WDR41: variants seen among roughly 807,000 people sequenced by gnomAD.
WDR41 encodes WD repeat domain 41.
A neutral mutation model predicts 69.3 loss-of-function variants in WDR41; 63 were observed. The observed-to-expected ratio is 0.91, with a 90% CI of 0.74 to 1.12. The LOEUF (loss-of-function observed/expected upper bound fraction) is 1.12, where lower values mean the gene tolerates loss of function less well. Among genes scored for constraint, WDR41 ranks in the 50% most tolerant of loss-of-function variants. WDR41 has a pLI of 0.00. For missense variants in WDR41, 543 were observed against 534.5 expected (o/e 1.02, Z -0.16); for synonymous variants, 185 against 192.1 (o/e 0.96, Z 0.31).
intron 1 of WDR41, among the ~76,000 whole-genome samples, chr5:77,606,536 G>A (rs935595742): frequency 6.6e-6 from 1 of 152,140 alleles, no homozygotes; most frequent in African/African-American, 2.4e-5. Context: ...GAGGCTGGGT[G>A]TGGTGGCTGT....
At chr5:77,529,337 A>C (rs942425811) in intron 1 of WDR41, among the ~76,000 whole-genome samples, 20 of 151,530 alleles carry the variant, frequency 1.3e-4, no homozygotes, top group Non-Finnish European at 2.7e-4. Context: ...CTCTACACAG[A>C]GAAACGCTAA....
chr5:77,544,401 A>G lies in WDR41; in HGVS notation c.43-54829T>C, dbSNP rs549314584. 2.4e-3 allele frequency among the ~76,000 whole-genome samples: 362 copies of G among 152,216 alleles called. 2 individuals are homozygous for G. The highest frequency in any genetic ancestry group is 0.01 in the Middle Eastern group (3 of 294). ...TCGTGAAATGGATAAGAAGTCACCA[A>G]CCATCTGCTGGCTTCAAGAGACTCA... is the stretch of plus-strand genomic sequence containing the variant. On this transcript the variant is annotated intron_variant, in intron 1 of 5. Coordinates refer to the WDR41 transcript ENST00000509971.
At chr5:77,601,719 C>G (rs923379661) in intron 1 of WDR41, among the ~76,000 whole-genome samples, 1 of 152,194 alleles carries the variant, frequency 6.6e-6, no homozygotes, top group Non-Finnish European at 1.5e-5. Flanking sequence ...TACCTGGTGC[C>G]TCCCTCAGAG....
At chr5:77,537,398 G>A (rs1324538800) in intron 1 of WDR41, among the ~76,000 whole-genome samples, 8 of 152,206 alleles carry the variant, frequency 5.3e-5, no homozygotes, top group African/African-American at 1.9e-4. Flanking sequence ...GGCCGAAGAG[G>A]AAGAGAAGAA....
At chr5:77,519,364 C>T (rs770278510) in intron 1 of WDR41, among the ~76,000 whole-genome samples, 3 of 151,692 alleles carry the variant, frequency 2.0e-5, no homozygotes, top group Non-Finnish European at 4.4e-5. Flanking sequence ...TTTCTAAGGA[C>T]GTTATTTTTG....
chr5:77,513,062 G>A (rs763020981), intron 1 of WDR41, among the ~76,000 whole-genome samples: 2 of 152,068 alleles, frequency 1.3e-5, no homozygotes, highest in Admixed American at 6.6e-5. Flanking sequence ...TTCCACAGAC[G>A]CTAAAATAAA....
chr5:77,542,594 C>T (rs1430480950), intron 1 of WDR41, among the ~76,000 whole-genome samples: 1 of 152,000 alleles, frequency 6.6e-6, no homozygotes, highest in African/African-American at 2.4e-5. Flanking sequence ...ATAACAATAA[C>T]ATAATAACAT....
rs1035945616 is a variant in WDR41 at position 77,585,533 on chromosome 5, T to C, written c.42+34946A>G. 4.6e-5 allele frequency among the ~76,000 whole-genome samples: 7 copies of C among 152,294 alleles called. No homozygotes were observed. In the East Asian group the frequency reaches 1.4e-3, roughly 29 times the overall value. ...GACGATACTTGCACATTAATGTTTATAGCAGCACAATTCACAATCGCAAAA... is the reference window on the plus strand; with the variant it reads ...GACGATACTTGCACATTAATGTTTACAGCAGCACAATTCACAATCGCAAAA... On this transcript the variant is annotated intron_variant, in intron 1 of 5. Coordinates refer to the WDR41 transcript ENST00000509971.
chr5:77,475,617 G>T (rs1336615217), intron 2 of WDR41, among the ~76,000 whole-genome samples: 1 of 152,098 alleles, frequency 6.6e-6, no homozygotes, highest in Non-Finnish European at 1.5e-5. Context: ...GGTCCTGTCT[G>T]TTAGAAGGAA....
At chr5:77,516,013 C>G (rs6453317) in intron 1 of WDR41, among the ~76,000 whole-genome samples, 93,007 of 152,006 alleles carry the variant, frequency 0.61, 30,259 homozygotes, top group African/African-American at 0.84. Context: ...ATTTATTTTA[C>G]AACTGTTTAC....
At chr5:77,450,557 T>C (rs1014204416) in intron 7 of WDR41, among the ~76,000 whole-genome samples, 10 of 152,220 alleles carry the variant, frequency 6.6e-5, no homozygotes, top group African/African-American at 2.2e-4. Flanking sequence ...GATTCTATCA[T>C]CATTTACTAA....
At position 77,514,339 on chromosome 5, in the gene WDR41, C is replaced by T. The variant is rs188088371; in HGVS notation, c.43-24767G>A. Among the ~76,000 whole-genome samples, 14 of 152,282 alleles carry T rather than the reference C, an allele frequency of 9.2e-5. No homozygotes were observed. The East Asian group carries it at 2.5e-3, about 27-fold the overall frequency. Reference sequence around the variant, plus strand: ...TCATATCTATTTTTCTCATTAACTTCTTTCCATTCTTTAAGTCTTAGTGCA... The same window carrying T: ...TCATATCTATTTTTCTCATTAACTTTTTTCCATTCTTTAAGTCTTAGTGCA... On this transcript the variant is annotated intron_variant, in intron 1 of 5. Transcript: ENST00000509971.
At chr5:77,487,470 T>C (rs904333692) in intron 2 of WDR41, among the ~76,000 whole-genome samples, 23 of 152,222 alleles carry the variant, frequency 1.5e-4, no homozygotes, top group African/African-American at 5.3e-4. Context: ...CATGATTTGG[T>C]TGACTTGCAT....
intron 2 of WDR41, among the ~76,000 whole-genome samples, chr5:77,488,802 G>A (rs1427908559): frequency 6.6e-6 from 1 of 152,000 alleles, no homozygotes; most frequent in Non-Finnish European, 1.5e-5. Context: ...TTTTAGAGAG[G>A]ACGAAAATAT....
In WDR41 at chr5:77,613,179, T is replaced by C. The variant is rs1382005886; in HGVS notation, c.42+7300A>G. On this transcript the variant is annotated intron_variant, in intron 1 of 5. Coordinates refer to the WDR41 transcript ENST00000509971. ...GAAATGGAAGAAAATTCCATGCTCA[T>C]GGGTAGGAAGAATCAATATCATGAA... 3.3e-5 allele frequency among the ~76,000 whole-genome samples: 5 copies of C among 152,192 alleles called. No individual in the cohort carries two copies. The East Asian group carries it at 9.6e-4, about 29-fold the overall frequency.
At chr5:77,604,636 A>G (rs770083366) in intron 1 of WDR41, among the ~76,000 whole-genome samples, 48 of 152,322 alleles carry the variant, frequency 3.2e-4, no homozygotes, top group Admixed American at 3.9e-4. Context: ...TAGCAACTCT[A>G]CTTCTAGAAA....
chr5:77,564,083 TTAAA>T (rs2112261990), intron 1 of WDR41, among the ~76,000 whole-genome samples: 1 of 152,294 alleles, frequency 6.6e-6, no homozygotes, highest in South Asian at 2.1e-4. Context: ...ATTGTAAAGA[TTAAA>T]TAAATACATG....
intron 2 of WDR41, among the ~76,000 whole-genome samples, chr5:77,486,285 G>A (rs1219705190): frequency 1.3e-5 from 2 of 152,302 alleles, no homozygotes; most frequent in Non-Finnish European, 1.5e-5. Context: ...TTGATTATAT[G>A]TAAATTTGAT....
At chr5:77,607,951 T>C (rs1275342519) in intron 1 of WDR41, among the ~76,000 whole-genome samples, 1 of 152,206 alleles carries the variant, frequency 6.6e-6, no homozygotes, top group Non-Finnish European at 1.5e-5. Flanking sequence ...CTTTTTTATG[T>C]GGTAAAATAT....
Sources: gnomAD v4.1 joint callset for allele counts (sites outside exome capture counted in the v4.1 genomes callset) on GRCh38, gnomAD v4.1.1 for gene constraint, MANE v1.5 for transcripts, NCBI Gene and HGNC (gene_info 2026-07-23, HGNC 2026-07-21) for gene names.